UNC5C: variants seen among roughly 807,000 people sequenced by gnomAD.
The protein encoded by UNC5C is netrin receptor UNC5C.
In UNC5C, 47 loss-of-function variants were observed where a neutral mutation model predicts 99.8. That is an observed-to-expected ratio of 0.47 (90% CI 0.37 to 0.60). UNC5C has a LOEUF of 0.60. Ranked by LOEUF, UNC5C falls within the 20% of genes least tolerant of loss-of-function variation. UNC5C has a pLI of 0.00. For synonymous variants in UNC5C, 487 were observed against 452.2 expected, an observed-to-expected ratio of 1.08 and a Z score of -0.98; for missense variants, 1,062 against 1,165.9, an observed-to-expected ratio of 0.91 and a Z score of 1.30.
At chr4:95,184,002 A>C (rs185481196) in intron 13 of UNC5C, among the ~76,000 whole-genome samples, 7 of 152,348 alleles carry the variant, frequency 4.6e-5, no homozygotes, top group Admixed American at 3.3e-4. Context: ...TTATCATTAA[A>C]ATAGTATTTT....
At chr4:95,399,824 C>T (rs999393742) in intron 1 of UNC5C, among the ~76,000 whole-genome samples, 3 of 152,142 alleles carry the variant, frequency 2.0e-5, no homozygotes, top group African/African-American at 7.2e-5. Flanking sequence ...TGCTCCTTTC[C>T]TCCTCAGTAC....
At chr4:95,244,833 C>T in intron 6 of UNC5C, 144 bp downstream of exon 6, 3 of 1,129,466 alleles carry the variant, frequency 2.7e-6, no homozygotes, top group South Asian at 2.9e-5. Flanking sequence ...CTTGATTTCC[C>T]AGCAATGTAA....
In UNC5C at chr4:95,169,225, G is replaced by T; in HGVS notation, c.*9C>A. The T allele has an allele frequency of 6.2e-7, 1 of 1,613,192 alleles. No individual in the cohort carries two copies. Among genetic ancestry groups the T allele is most frequent in the Non-Finnish European group, 8.5e-7 (1 of 1,179,354 alleles). On this transcript the variant is annotated 3_prime_UTR_variant, in exon 16 of 16. Coordinates refer to ENST00000453304, the MANE Select transcript of UNC5C (RefSeq NM_003728.4). ...TTTTTGTCCTTCATTTCCCCTTCCA[G>T]CATGGTGGTTAATACTGCCCTTCTG...
At chr4:95,314,412 C>T (rs778312132) in intron 2 of UNC5C, among the ~76,000 whole-genome samples, 3 of 151,932 alleles carry the variant, frequency 2.0e-5, no homozygotes, top group South Asian at 2.1e-4. Context: ...GTAGATATAG[C>T]GGAGCTATCC....
At chr4:95,439,393 T>C (rs3069198) in intron 1 of UNC5C, among the ~76,000 whole-genome samples, 1 of 151,774 alleles carries the variant, frequency 6.6e-6, no homozygotes, top group Non-Finnish European at 1.5e-5. Flanking sequence ...GTTTTTTTTT[T>C]TTTGTTTCCT....
Position 95,162,879 on chromosome 4 carries a change from T to C in UNC5C, c.*6355A>G, listed in dbSNP as rs550647687. The C allele has an allele frequency of 9.2e-5, 14 of 152,324 alleles. No individual in the cohort carries two copies. In the South Asian group the frequency reaches 2.5e-3, roughly 27 times the overall value. The allele number at this position is 152,324 out of a possible 1,614,324, so 9.4% of individuals were successfully genotyped here. A position where few individuals can be genotyped will look rare whatever the true frequency, so the allele number is the denominator to read the frequency against. ...CAAAGCACAAAACCTCAATCCGACC[T>C]TTCTGCAGTTGAACTGTTCCAAAGG... is the stretch of plus-strand genomic sequence containing the variant. On this transcript the variant is annotated 3_prime_UTR_variant, in exon 16 of 16. Coordinates refer to ENST00000453304, the MANE Select transcript of UNC5C (RefSeq NM_003728.4).
chr4:95,485,833 T>G (rs193298023), intron 1 of UNC5C, among the ~76,000 whole-genome samples: 162 of 151,844 alleles, frequency 1.1e-3, no homozygotes, highest in African/African-American at 3.5e-3. Context: ...TATGCTCTAC[T>G]CAGATCGTCA....
intron 14 of UNC5C, among the ~76,000 whole-genome samples, chr4:95,170,950 G>A (rs529383493): frequency 1.2e-3 from 186 of 152,366 alleles, no homozygotes; most frequent in Non-Finnish European, 2.1e-3. Context: ...CTTAGGGCAA[G>A]TTGTTAATGG....
At chr4:95,323,117 T>G (rs377103731) in intron 2 of UNC5C, among the ~76,000 whole-genome samples, 33 of 152,280 alleles carry the variant, frequency 2.2e-4, no homozygotes, top group African/African-American at 6.7e-4. Context: ...TTCACAGTAC[T>G]GCATTTGAGA....
At chr4:95,251,728 T>G (rs1225955029) in intron 4 of UNC5C, among the ~76,000 whole-genome samples, 1 of 152,164 alleles carries the variant, frequency 6.6e-6, no homozygotes. Flanking sequence ...TTCAAAACCT[T>G]AAGGAGCTAC....
In UNC5C at chr4:95,216,150, C is replaced by A; in HGVS notation, c.1707G>T (p.Val569=). 6.2e-7 allele frequency: 1 copy of A among 1,613,818 alleles called. No individual in the cohort carries two copies. The highest frequency in any genetic ancestry group is 1.1e-5 in the South Asian group (1 of 91,024). The change falls in exon 10 of 16, where the codon GTG becomes GTT. Residue 569 remains valine (V), a synonymous_variant. Transcript: ENST00000453304. ...IPQGRVYEMY[V]TVHRKETMRP... ...TCATAGTTTCTTTCCTGTGTACAGT[C>A]ACATACATTTCGTAGACTCTCCCTT...
intron 1 of UNC5C, among the ~76,000 whole-genome samples, chr4:95,541,246 A>AT (rs1192023218): frequency 2.0e-5 from 3 of 152,204 alleles, no homozygotes; most frequent in Non-Finnish European, 4.4e-5. Flanking sequence ...TTTAAACTGC[A>AT]TGGAGCTCTG....
At chr4:95,184,968 G>T (rs1249368126) in intron 13 of UNC5C, 79 bp downstream of exon 13, 5 of 1,361,454 alleles carry the variant, frequency 3.7e-6, no homozygotes, top group Middle Eastern at 1.9e-4. Context: ...TCAAGGAAGG[G>T]GATTTCCTAT....
At chr4:95,228,308 T>C (rs547100266) in intron 7 of UNC5C, among the ~76,000 whole-genome samples, 1 of 152,378 alleles carries the variant, frequency 6.6e-6, no homozygotes, top group African/African-American at 2.4e-5. Flanking sequence ...ATCATGGTTT[T>C]ATTACTACTT....
At chr4:95,351,178 C>T (rs559534384) in intron 1 of UNC5C, among the ~76,000 whole-genome samples, 1 of 152,204 alleles carries the variant, frequency 6.6e-6, no homozygotes, top group South Asian at 2.1e-4. Context: ...CCCTTGCTAA[C>T]CTCTCCCTTT....
intron 7 of UNC5C, among the ~76,000 whole-genome samples, chr4:95,241,303 G>C (rs549490664): frequency 6.6e-6 from 1 of 152,102 alleles, no homozygotes; most frequent in African/African-American, 2.4e-5. Context: ...CCGTTCTTGG[G>C]GAATGCAGTG....
At chr4:95,306,088 AAAGT>A (rs1273473711) in intron 2 of UNC5C, among the ~76,000 whole-genome samples, 4 of 152,350 alleles carry the variant, frequency 2.6e-5, no homozygotes, top group Non-Finnish European at 1.5e-5. Context: ...GCTATCAAAT[AAAGT>A]AAGTATTAAA....
intron 1 of UNC5C, among the ~76,000 whole-genome samples, chr4:95,505,221 G>A (rs73842306): frequency 0.037 from 5,554 of 152,120 alleles, 206 homozygotes; most frequent in African/African-American, 0.092. Flanking sequence ...CCTCCAAAGT[G>A]TAACCACCCT....
chr4:95,278,176 C>A, intron 4 of UNC5C, 83 bp downstream of exon 4: 1 of 1,144,208 alleles, frequency 8.7e-7, no homozygotes, highest in South Asian at 1.3e-5. Flanking sequence ...TACCCTAATT[C>A]ACTGCACCAT....
Sources: gnomAD v4.1 joint callset for allele counts (sites outside exome capture counted in the v4.1 genomes callset) on GRCh38, gnomAD v4.1.1 for gene constraint, MANE v1.5 for transcripts, NCBI Gene and HGNC (gene_info 2026-07-23, HGNC 2026-07-21) for gene names.